DLGAP2: variants seen among roughly 807,000 people sequenced by gnomAD.
DLGAP2 encodes the protein disks large-associated protein 2.
Under a neutral mutation model 100.3 loss-of-function variants are expected in DLGAP2, and 26 were observed. The observed-to-expected ratio is 0.26, with a 90% CI of 0.19 to 0.36. The LOEUF (loss-of-function observed/expected upper bound fraction) is 0.36, where lower values mean the gene tolerates loss of function less well. Ranked by LOEUF, DLGAP2 falls within the 10% of genes least tolerant of loss-of-function variation. DLGAP2 has a pLI of 1.00. For synonymous variants in DLGAP2, 886 were observed against 630.1 expected (o/e 1.41, Z -6.08); for missense variants, 1,858 against 1,453.2 (o/e 1.28, Z -4.53).
intron 3 of DLGAP2, among the ~76,000 whole-genome samples, chr8:1,417,006 C>T (rs910527004): frequency 3.5e-5 from 5 of 142,646 alleles, no homozygotes; most frequent in African/African-American, 1.3e-4. Flanking sequence ...GCTCAGGGGT[C>T]CCCGTCACTC....
intron 2 of DLGAP2, among the ~76,000 whole-genome samples, chr8:1,004,365 C>T (rs974653570): frequency 3.3e-5 from 5 of 152,216 alleles, no homozygotes; most frequent in African/African-American, 4.8e-5. Flanking sequence ...TGGTAAGCTA[C>T]AGTGACATTT....
intron 1 of DLGAP2, among the ~76,000 whole-genome samples, chr8:769,528 T>C (rs1182060754): frequency 6.6e-6 from 1 of 152,128 alleles, no homozygotes; most frequent in Non-Finnish European, 1.5e-5. Flanking sequence ...TTTTAAAAAA[T>C]CATGAGAAAT....
At chr8:1,131,056 T>C (rs981603511) in intron 2 of DLGAP2, among the ~76,000 whole-genome samples, 13 of 152,182 alleles carry the variant, frequency 8.5e-5, no homozygotes, top group African/African-American at 3.1e-4. Flanking sequence ...TTATTTTCCT[T>C]AATTTTGAGA....
chr8:1,152,919 TG>T (rs1024471825), intron 2 of DLGAP2, among the ~76,000 whole-genome samples: 1 of 152,242 alleles, frequency 6.6e-6, no homozygotes, highest in Non-Finnish European at 1.5e-5. Flanking sequence ...AGCATCTTTT[TG>T]CAAAGTATGG....
intron 2 of DLGAP2, among the ~76,000 whole-genome samples, chr8:1,219,457 C>A (rs11785334): frequency 0.25 from 38,500 of 151,926 alleles, 7,051 homozygotes; most frequent in African/African-American, 0.52. Flanking sequence ...ATCCAGGAAT[C>A]AATATTGCCT....
intron 3 of DLGAP2, among the ~76,000 whole-genome samples, chr8:1,470,392 G>A (rs1368072066): frequency 1.3e-5 from 2 of 152,136 alleles, no homozygotes; most frequent in East Asian, 3.9e-4. Context: ...GTGGGAGCTG[G>A]ATTCATTCTG....
chr8:1,493,737 C>T (rs577541186), intron 3 of DLGAP2, among the ~76,000 whole-genome samples: 3 of 152,244 alleles, frequency 2.0e-5, no homozygotes, highest in South Asian at 4.1e-4. Context: ...CTGCTGCCAT[C>T]TCCCTGGGCA....
chr8:1,557,059 G>A (rs529082362), intron 5 of DLGAP2, among the ~76,000 whole-genome samples: 4 of 152,272 alleles, frequency 2.6e-5, no homozygotes, highest in Non-Finnish European at 5.9e-5. Flanking sequence ...GGAGACGCTT[G>A]TGGGGTACGT....
At chr8:853,851 C>T (rs1321278584) in intron 1 of DLGAP2, among the ~76,000 whole-genome samples, 2 of 152,072 alleles carry the variant, frequency 1.3e-5, no homozygotes, top group East Asian at 1.9e-4. Context: ...GAAGGTTTGT[C>T]CCCCAGATTC....
At chr8:1,429,997 C>T (rs371447842) in intron 3 of DLGAP2, among the ~76,000 whole-genome samples, 6 of 19,658 alleles carry the variant, frequency 3.1e-4, no homozygotes, top group East Asian at 3.4e-3. Flanking sequence ...GGGAGAGATG[C>T]ATATATATAC....
At chr8:1,696,200 A>G (rs1330032889) in intron 13 of DLGAP2, among the ~76,000 whole-genome samples, 1 of 152,234 alleles carries the variant, frequency 6.6e-6, no homozygotes, top group African/African-American at 2.4e-5. Context: ...AAAATCATTC[A>G]GATTTCAATG....
chr8:951,458 C>T lies in DLGAP2; in HGVS notation c.73+43492C>T, dbSNP rs571031019. Among the ~76,000 whole-genome samples, 4 of 152,238 alleles carry T rather than the reference C, an allele frequency of 2.6e-5. No homozygotes were observed. The East Asian group carries it at 5.8e-4, about 22-fold the overall frequency. On this transcript the variant is annotated intron_variant, in intron 2 of 14. Transcript: ENST00000637795. ...TAGAGATGGGGTTTTGCCATGTTGG[C>T]CAGGTGGGTCTTGAACTCCTGACCT...
intron 2 of DLGAP2, among the ~76,000 whole-genome samples, chr8:1,131,235 G>A (rs1025681874): frequency 3.9e-5 from 6 of 152,116 alleles, no homozygotes; most frequent in African/African-American, 7.2e-5. Context: ...TGCCGGGCAC[G>A]TGCCTGCTTT....
intron 2 of DLGAP2, among the ~76,000 whole-genome samples, chr8:1,193,341 C>T (rs1797679494): frequency 6.6e-6 from 1 of 152,176 alleles, no homozygotes; most frequent in African/African-American, 2.4e-5. Context: ...CCTGTTGTTT[C>T]CTGGCTTTTT....
chr8:1,683,854 ATATGTGTG>A lies in DLGAP2; in HGVS notation c.2704+5227_2704+5234del, dbSNP rs1280889247. Among the ~76,000 whole-genome samples the A allele has an allele frequency of 5.2e-4, 38 of 72,942 alleles. 1 individual carries two copies. Among genetic ancestry groups the A allele is most frequent in the Middle Eastern group, 6.6e-3 (1 of 152 alleles). 47.9% of individuals were successfully genotyped at this position (72,942 alleles called of 152,430 possible). A position where few individuals can be genotyped will look rare whatever the true frequency, so the allele number is the denominator to read the frequency against. ...CTCCACTATATATATATATATATAT[ATATGTGTG>A]TGTGTGTGTGTGTGTGTGTGTGTGT... On this transcript the variant is annotated intron_variant, in intron 12 of 14. Coordinates refer to ENST00000637795, the MANE Select transcript of DLGAP2 (RefSeq NM_001346810.2).
chr8:1,670,682 C>A (rs1486233528), intron 10 of DLGAP2, among the ~76,000 whole-genome samples: 1 of 151,900 alleles, frequency 6.6e-6, no homozygotes, highest in African/African-American at 2.4e-5. Context: ...CCTTTCATGG[C>A]AGTAAGAAAA....
chr8:917,107 A>G (rs1384819532), intron 2 of DLGAP2, among the ~76,000 whole-genome samples: 1 of 152,116 alleles, frequency 6.6e-6, no homozygotes, highest in Non-Finnish European at 1.5e-5. Context: ...AAGCACATAC[A>G]TTTTCAGGAG....
chr8:872,267 C>T (rs1797612800), intron 1 of DLGAP2, among the ~76,000 whole-genome samples: 1 of 151,214 alleles, frequency 6.6e-6, no homozygotes, highest in Admixed American at 6.6e-5. Context: ...TGAAAAGATG[C>T]TGCACTTATA....
At chr8:1,467,499 G>A (rs1270987622) in intron 3 of DLGAP2, among the ~76,000 whole-genome samples, 1 of 151,936 alleles carries the variant, frequency 6.6e-6, no homozygotes, top group African/African-American at 2.4e-5. Flanking sequence ...CCGTGACCTC[G>A]GCTCCAGACC....
Sources: gnomAD v4.1 joint callset for allele counts (sites outside exome capture counted in the v4.1 genomes callset) on GRCh38, gnomAD v4.1.1 for gene constraint, MANE v1.5 for transcripts, NCBI Gene and HGNC (gene_info 2026-07-23, HGNC 2026-07-21) for gene names.